The following GSTM2 variants were observed in gnomAD, a reference collection of about 807,000 sequenced individuals.
GSTM2 encodes GST class-mu 2.
GSTM2 carries 33 observed loss-of-function variants against 33.3 expected under a neutral mutation model. The observed-to-expected ratio is 0.99, with a 90% CI of 0.75 to 1.33. The LOEUF is 1.33. GSTM2 is among the 40% of genes most tolerant of loss of function. The pLI is 0.00. For synonymous variants in GSTM2, 93 were observed against 95.6 expected (o/e 0.97, Z 0.16); for missense variants, 213 against 265.8 (o/e 0.80, Z 1.38).
intron 7 of GSTM2, among the ~76,000 whole-genome samples, chr1:109,672,674 AT>A (rs779494107): frequency 1.6e-4 from 25 of 152,320 alleles, no homozygotes; most frequent in Non-Finnish European, 2.2e-4. Context: ...ACACAGTAGC[AT>A]TGATGTTCAA....
chr1:109,677,606 T>G (rs71663089), downstream of GSTM2, among the ~76,000 whole-genome samples: 3 of 152,164 alleles, frequency 2.0e-5, no homozygotes, highest in African/African-American at 4.8e-5. Context: ...AGGGAAATGA[T>G]TCCATGGTAT....
At chr1:109,676,779 T>C (rs1647715858), downstream of GSTM2, among the ~76,000 whole-genome samples, 1 of 152,200 alleles carries the variant, frequency 6.6e-6, no homozygotes, top group South Asian at 2.1e-4. Flanking sequence ...AAGCATAGGC[T>C]TCCTCCACCC....
At chr1:109,678,659 C>G (rs528163173), downstream of GSTM2, among the ~76,000 whole-genome samples, 3 of 151,136 alleles carry the variant, frequency 2.0e-5, no homozygotes, top group South Asian at 6.3e-4. Context: ...ACTCAAGAGG[C>G]TGAGGCAGGA....
At chr1:109,679,599 A>G (rs952441388), downstream of GSTM2, among the ~76,000 whole-genome samples, 5 of 152,220 alleles carry the variant, frequency 3.3e-5, no homozygotes, top group Admixed American at 2.6e-4. Flanking sequence ...TCTCCTGTAT[A>G]AAACTCTCTA....
chr1:109,670,040 C>G (rs915591061), intron 5 of GSTM2: 2 of 10,320 alleles, frequency 1.9e-4, no homozygotes, highest in African/African-American at 7.4e-4. Context: ...TACACTTCCA[C>G]AGCCTGGAAG....
chr1:109,676,909 G>C (rs1025990363), downstream of GSTM2, among the ~76,000 whole-genome samples: 6 of 152,190 alleles, frequency 3.9e-5, no homozygotes, highest in African/African-American at 1.4e-4. Flanking sequence ...AGAAATAGCT[G>C]TTGAGTCTGT....
Position 109,671,265 on chromosome 1 carries a change from T to G in GSTM2, c.361-22T>G, listed in dbSNP as rs754835853. 3 of 1,569,208 alleles carry G rather than the reference T, an allele frequency of 1.9e-6. No individual in the cohort carries two copies. In the East Asian group the frequency reaches 6.7e-5, roughly 35 times the overall value. ...GCAGGGAGCTTGTGTCTGAGGGTGT[T>G]GACAGCTGTTTTCTGCCTCAGGAGA... is the stretch of plus-strand genomic sequence containing the variant. On this transcript the variant is annotated intron_variant, in intron 5 of 7. Transcript: ENST00000241337.
At position 109,668,469 on chromosome 1, in the gene GSTM2, C is replaced by G; in HGVS notation, c.81C>G (p.Ser27Arg). 6.2e-7 allele frequency: 1 copy of G among 1,614,182 alleles called. No individual in the cohort carries two copies. The highest frequency in any genetic ancestry group is 8.5e-7 in the Non-Finnish European group (1 of 1,180,010). ...TGCTCCTGGAATACACAGACTCAAG[C>G]TACGAGGAAAAGAAGTACACGATGG... is the stretch of plus-strand genomic sequence containing the variant. ...IRLLLEYTDS[S>R]YEEKKYTMGD... Residue 27 changes from serine to arginine, a missense_variant, in exon 2 of 8, where the codon AGC (serine) becomes AGG (arginine). Physicochemically the swap from Ser to Arg is moderately radical, Grantham distance 110. Coordinates refer to ENST00000241337, the MANE Select transcript of GSTM2 (RefSeq NM_000848.4).
rs1019040765 is a variant in GSTM2, at chr1:109,668,938, C to T, written c.126C>T (p.Asp42=). The T allele has an allele frequency of 1.9e-6, 3 of 1,612,338 alleles. No homozygotes were observed. The highest frequency in any genetic ancestry group is 8.5e-7 in the Non-Finnish European group (1 of 1,179,846). Residue 42 remains aspartate, a synonymous_variant, in exon 3 of 8, where the codon GAC becomes GAT. Transcript: ENST00000241337. ...TCCCCACCACAGCTCCTGATTATGA[C>T]AGAAGCCAGTGGCTGAATGAAAAAT... ...KYTMGDAPDY[D]RSQWLNEKFK...
chr1:109,669,714 G>C (rs1377056510), intron 5 of GSTM2, 143 bp downstream of exon 5: 2 of 624,806 alleles, frequency 3.2e-6, no homozygotes, highest in Non-Finnish European at 5.8e-6. Context: ...GTCCTACACG[G>C]TGAGTGTTAC....
rs1486180417 is a variant in GSTM2, at chr1:109,669,750, G to A, written c.360+179G>A. 3 of 591,006 alleles carry A rather than the reference G, an allele frequency of 5.1e-6. No homozygotes were observed. In the African/African-American group the frequency reaches 5.6e-5, roughly 11 times the overall value. The allele number at this position is 591,006 out of a possible 1,614,324, so 36.6% of individuals were successfully genotyped here. A position where few individuals can be genotyped will look rare whatever the true frequency, so the allele number is the denominator to read the frequency against. ...AGTTCTTAAAGATGGTGTGTCCGGAGTTTGTTCCTTCAGATGTTCAGATGT... is the reference window on the plus strand; with the variant it reads ...AGTTCTTAAAGATGGTGTGTCCGGAATTTGTTCCTTCAGATGTTCAGATGT... On this transcript the variant is annotated intron_variant, in intron 5 of 7. Transcript: ENST00000241337.
intron 7 of GSTM2, chr1:109,673,605 C>T (rs1490544041): frequency 7.5e-6 from 2 of 267,296 alleles, no homozygotes; most frequent in East Asian, 2.1e-4. Flanking sequence ...GAGCTGAGAG[C>T]TATGGCCCGT....
In GSTM2 at chr1:109,671,347, T is replaced by A. The variant is rs1647537805; in HGVS notation, c.421T>A (p.Phe141Ile). 6.2e-7 allele frequency: 1 copy of A among 1,613,960 alleles called. No individual in the cohort carries two copies. Among genetic ancestry groups the A allele is most frequent in the Admixed American group, 1.7e-5 (1 of 60,008 alleles). Residue 141 changes from phenylalanine to isoleucine, a missense_variant, in exon 6 of 8, where the codon TTT becomes ATT. Coordinates refer to ENST00000241337, the MANE Select transcript of GSTM2 (RefSeq NM_000848.4). The part of the protein sequence containing the change: ...LPEMLKLYSQ[F>I]LGKQPWFLGD... Reference sequence around the variant, plus strand: ...TGAAATGCTGAAGCTCTACTCACAGTTTCTGGGGAAGCAGCCATGGTTTCT... The same window carrying A: ...TGAAATGCTGAAGCTCTACTCACAGATTCTGGGGAAGCAGCCATGGTTTCT...
intron 7 of GSTM2, among the ~76,000 whole-genome samples, chr1:109,672,338 C>T (rs558540115): frequency 2.0e-4 from 30 of 152,154 alleles, no homozygotes; most frequent in East Asian, 1.5e-3. Flanking sequence ...CTTCATGCCA[C>T]GAACTGTACC....
At chr1:109,676,257 T>C (rs1647701586), downstream of GSTM2, among the ~76,000 whole-genome samples, 1 of 152,250 alleles carries the variant, frequency 6.6e-6, no homozygotes, top group Non-Finnish European at 1.5e-5. Flanking sequence ...ACCTTCAGAC[T>C]TCTAATAGAT....
At position 109,668,375 on chromosome 1, in the gene GSTM2, A is replaced by C. The variant is rs1419538330; in HGVS notation, c.37-50A>C. The C allele has an allele frequency of 8.2e-6, 13 of 1,594,856 alleles. No homozygotes were observed. In the South Asian group the frequency reaches 1.4e-4, roughly 18 times the overall value. ...GCTCCCCTTGTGCAGAGTCGTCACA[A>C]AGTCAGGGACCCTCCATCTCTGACC... On this transcript the variant is annotated intron_variant, in intron 1 of 7. Coordinates refer to ENST00000241337, the MANE Select transcript of GSTM2 (RefSeq NM_000848.4).
downstream of GSTM2, among the ~76,000 whole-genome samples, chr1:109,678,600 T>A (rs1199713516): frequency 6.6e-6 from 1 of 150,646 alleles, no homozygotes; most frequent in East Asian, 1.9e-4. Flanking sequence ...ATCAAAATTA[T>A]TTTTTTTTGT....
At chr1:109,681,560 T>C (rs1334428561) in intron 7 of GSTM2, among the ~76,000 whole-genome samples, 1 of 149,306 alleles carries the variant, frequency 6.7e-6, no homozygotes, top group Non-Finnish European at 1.5e-5. Context: ...TATGAGTATA[T>C]GTATATGTAA....
In GSTM2 at chr1:109,669,577, TC is replaced by T. The variant is rs35289531; in HGVS notation, c.360+12del. 7.1e-6 allele frequency: 11 copies of T among 1,555,398 alleles called. No individual in the cohort carries two copies. The highest frequency in any genetic ancestry group is 1.7e-4 in the Middle Eastern group (1 of 5,968). Reference sequence around the variant, plus strand: ...TCTGCTATGACCCAGATTTTGTAAGTCCCCCCACCCCACTCCCAGTCTCCCC... The same window carrying T: ...TCTGCTATGACCCAGATTTTGTAAGTCCCCCACCCCACTCCCAGTCTCCCC... On this transcript the variant is annotated splice_region_variant and intron_variant, in intron 5 of 7. Transcript: ENST00000241337.
Sources: allele counts gnomAD v4.1 joint callset (sites outside exome capture counted in the v4.1 genomes callset), GRCh38; gene constraint gnomAD v4.1.1; transcripts MANE v1.5; gene names NCBI Gene and HGNC (gene_info 2026-07-23, HGNC 2026-07-21).